SELP: variants seen among roughly 807,000 people sequenced by gnomAD.
SELP encodes selectin P, also known as P-selectin.
In SELP, 92 loss-of-function variants were observed where a neutral mutation model predicts 104.1. The observed-to-expected ratio is 0.88, with a 90% confidence interval of 0.75 to 1.05. The LOEUF is 1.05. Among genes scored for constraint, SELP ranks in the 50% least tolerant of loss-of-function variants. SELP has a pLI of 0.00. For missense variants in SELP, 1,022 were observed against 1,017.3 expected (o/e 1.00, Z -0.06); for synonymous variants, 397 against 364.5 (o/e 1.09, Z -1.01).
chr1:169,616,933 T>C, intron 3 of SELP, 95 bp downstream of exon 3: 1 of 1,343,370 alleles, frequency 7.4e-7, no homozygotes, highest in African/African-American at 1.5e-5. Context: ...CCTGCCTTTG[T>C]ATCTTTGTGT....
intron 14 of SELP, 28 bp from the exon 15 acceptor site, chr1:169,591,484 A>G (rs572811376): frequency 1.4e-6 from 2 of 1,478,576 alleles, no homozygotes; most frequent in East Asian, 4.7e-5. Context: ...ACAAGAATGA[A>G]TGATTAAAAA....
chr1:169,602,212 G>T (rs1661942427), intron 10 of SELP, among the ~76,000 whole-genome samples: 2 of 152,114 alleles, frequency 1.3e-5, no homozygotes, highest in South Asian at 2.1e-4. Flanking sequence ...GCTGCAGGGG[G>T]TATAAAGATG....
At position 169,613,660 on chromosome 1, in the gene SELP, C is replaced by T. The variant is rs1348695593; in HGVS notation, c.515G>A (p.Gly172Glu). ...GTTCCCGATGGTCTCGAGGCACTCT[C>T]CTTGTTTGCTGCAGGACATGTCCTG... is the stretch of plus-strand genomic sequence containing the variant. ...SCQDMSCSKQ[G>E]ECLETIGNYT... Residue 172 changes from glycine to glutamate, a missense_variant, in exon 4 of 17, where the codon GGA becomes GAA. Physicochemically the swap from Gly to Glu is moderately conservative, Grantham distance 98. Transcript: ENST00000263686. The T allele has an allele frequency of 1.2e-6, 2 of 1,613,570 alleles. No homozygotes were observed. Among genetic ancestry groups the T allele is most frequent in the Non-Finnish European group, 1.7e-6 (2 of 1,179,780 alleles).
chr1:169,610,696 T>C (rs1662477091), intron 7 of SELP, among the ~76,000 whole-genome samples: 1 of 152,028 alleles, frequency 6.6e-6, no homozygotes, highest in Non-Finnish European at 1.5e-5. Flanking sequence ...GGAGAATCGT[T>C]TGAACCTGGG....
chr1:169,613,784 C>T (rs1424317424), intron 3 of SELP, 91 bp from the exon 4 acceptor site: 1 of 1,025,154 alleles, frequency 9.8e-7, no homozygotes, highest in Non-Finnish European at 1.5e-6. Flanking sequence ...CATCCCCTCT[C>T]AGATAGGACT....
intron 2 of SELP, 51 bp downstream of exon 2, chr1:169,619,078 G>A (rs754499709): frequency 7.0e-7 from 1 of 1,419,138 alleles, no homozygotes; most frequent in Non-Finnish European, 9.9e-7. Flanking sequence ...CATAGATCTG[G>A]GCTCTACCCT....
At chr1:169,615,359 A>C (rs1300810755) in intron 3 of SELP, among the ~76,000 whole-genome samples, 1 of 152,196 alleles carries the variant, frequency 6.6e-6, no homozygotes, top group African/African-American at 2.4e-5. Context: ...ATCTGTGTTC[A>C]GGTAAAGTTG....
At chr1:169,615,621 C>T (rs1662771815) in intron 3 of SELP, among the ~76,000 whole-genome samples, 1 of 152,088 alleles carries the variant, frequency 6.6e-6, no homozygotes, top group African/African-American at 2.4e-5. Flanking sequence ...GGGTAGAGAG[C>T]TGACTGGGAG....
intron 1 of SELP, among the ~76,000 whole-genome samples, chr1:169,620,795 T>TTG (rs779947394): frequency 0.19 from 20,934 of 110,118 alleles, 2,093 homozygotes; most frequent in Middle Eastern, 0.25. Context: ...CGGTGTGGGG[T>TTG]TGTGTGTGTG....
intron 3 of SELP, among the ~76,000 whole-genome samples, chr1:169,616,101 G>C (rs1662793584): frequency 6.6e-6 from 1 of 152,120 alleles, no homozygotes; most frequent in Non-Finnish European, 1.5e-5. Flanking sequence ...AAGCTTTCAG[G>C]AATGTCTGCT....
At chr1:169,617,863 T>C (rs1413517607) in intron 2 of SELP, among the ~76,000 whole-genome samples, 1 of 152,208 alleles carries the variant, frequency 6.6e-6, no homozygotes, top group Non-Finnish European at 1.5e-5. Context: ...CCAGCCTCAT[T>C]GCCCACTGTA....
chr1:169,609,200 T>C lies in SELP; in HGVS notation c.1333+304A>G, dbSNP rs558710265. 2.6e-5 allele frequency among the ~76,000 whole-genome samples: 4 copies of C among 152,220 alleles called. No individual in the cohort carries two copies. In the South Asian group the frequency reaches 8.3e-4, roughly 32 times the overall value. On this transcript the variant is annotated intron_variant, in intron 8 of 16. Transcript: ENST00000263686. ...GAGCTAAACACCTTGTCCATTACCC[T>C]TCCCCATCCCATGCTATTCCTCATG... is the stretch of plus-strand genomic sequence containing the variant.
At chr1:169,592,294 C>A (rs947925996) in intron 14 of SELP, among the ~76,000 whole-genome samples, 1 of 152,156 alleles carries the variant, frequency 6.6e-6, no homozygotes, top group Non-Finnish European at 1.5e-5. Context: ...GAAAAACAGC[C>A]TCAATGTTTT....
In SELP at chr1:169,607,140, G is replaced by C. The variant is rs1444299004; in HGVS notation, c.1334-6C>G. 1 of 1,585,138 alleles carries C rather than the reference G, an allele frequency of 6.3e-7. No individual in the cohort carries two copies. Among genetic ancestry groups the C allele is most frequent in the South Asian group, 1.1e-5 (1 of 89,716 alleles). ...GAGATCCTGGCACTGCAAAGCTAAGGGATGAGGAAGTAAGGAATAAAGAAA... is the reference window on the plus strand; with the variant it reads ...GAGATCCTGGCACTGCAAAGCTAAGCGATGAGGAAGTAAGGAATAAAGAAA... On this transcript the variant is annotated splice_polypyrimidine_tract_variant and splice_region_variant and intron_variant, in intron 8 of 16. Coordinates refer to ENST00000263686, the MANE Select transcript of SELP (RefSeq NM_003005.4).
chr1:169,603,490 C>A (rs1251392651), intron 9 of SELP, among the ~76,000 whole-genome samples: 1 of 152,048 alleles, frequency 6.6e-6, no homozygotes, highest in Non-Finnish European at 1.5e-5. Context: ...TCACAAACAG[C>A]TTTAGAGGTG....
intron 14 of SELP, among the ~76,000 whole-genome samples, chr1:169,592,842 C>T (rs1661414616): frequency 6.6e-6 from 1 of 152,196 alleles, no homozygotes; most frequent in Admixed American, 6.5e-5. Context: ...CTGCCTCCTC[C>T]ATAATCCCCT....
intron 2 of SELP, among the ~76,000 whole-genome samples, chr1:169,618,500 C>T: frequency 6.6e-6 from 1 of 152,154 alleles, no homozygotes; most frequent in East Asian, 1.9e-4. Flanking sequence ...GGCCATTTCC[C>T]ACATGAAGAG....
At chr1:169,624,668 G>C (rs1187276733) in intron 1 of SELP, among the ~76,000 whole-genome samples, 1 of 152,190 alleles carries the variant, frequency 6.6e-6, no homozygotes, top group African/African-American at 2.4e-5. Context: ...AGAATCGCTT[G>C]AACCCAGAAG....
chr1:169,591,302 A>C, intron 15 of SELP, 124 bp downstream of exon 15: 2 of 576,926 alleles, frequency 3.5e-6, no homozygotes, highest in South Asian at 4.5e-5. Flanking sequence ...AGTAGAAAAG[A>C]AGACATTGCA....
Sources: gnomAD v4.1 joint callset for allele counts (sites outside exome capture counted in the v4.1 genomes callset) on GRCh38, gnomAD v4.1.1 for gene constraint, MANE v1.5 for transcripts, NCBI Gene and HGNC (gene_info 2026-07-23, HGNC 2026-07-21) for gene names.